CUL2: variants seen among roughly 807,000 people sequenced by gnomAD.
The protein encoded by CUL2 is cullin-2.
CUL2 carries 22 observed loss-of-function variants against 110.2 expected under a neutral mutation model. The observed-to-expected ratio is 0.20, with a 90% CI of 0.14 to 0.28. The LOEUF is 0.28. Ranked by LOEUF, CUL2 falls within the 10% of genes least tolerant of loss-of-function variation. CUL2 has a pLI of 1.00. For missense variants in CUL2, 631 were observed against 905.5 expected (o/e 0.70, Z 3.89); for synonymous variants, 279 against 293.2 (o/e 0.95, Z 0.49).
At chr10:35,095,541 A>C (rs999108574), upstream of CUL2, among the ~76,000 whole-genome samples, 16 of 151,952 alleles carry the variant, frequency 1.1e-4, no homozygotes, top group African/African-American at 3.9e-4. Flanking sequence ...TGAAAATGCA[A>C]ATAATTATTT....
At chr10:35,059,604 C>T (rs2086332108) in intron 4 of CUL2, among the ~76,000 whole-genome samples, 1 of 152,166 alleles carries the variant, frequency 6.6e-6, no homozygotes, top group Non-Finnish European at 1.5e-5. Flanking sequence ...TGTCTTACTG[C>T]AATATTCCCT....
At chr10:35,108,521 CAG>C (rs2048285676) in intron 1 of CUL2, among the ~76,000 whole-genome samples, 1 of 150,720 alleles carries the variant, frequency 6.6e-6, no homozygotes, top group Non-Finnish European at 1.5e-5. Context: ...GTGGGAAAGA[CAG>C]GGAGAAATGA....
intron 1 of CUL2, among the ~76,000 whole-genome samples, chr10:35,124,769 A>C (rs553565763): frequency 2.2e-4 from 33 of 152,364 alleles, no homozygotes; most frequent in African/African-American, 7.9e-4. Flanking sequence ...GATATGGGAA[A>C]GAAATGACAT....
intron 1 of CUL2, among the ~76,000 whole-genome samples, chr10:35,113,767 C>T (rs1353969089): frequency 6.6e-6 from 1 of 151,452 alleles, no homozygotes; most frequent in Non-Finnish European, 1.5e-5. Flanking sequence ...AATGCAGTGG[C>T]ACGATCTCAG....
chr10:35,085,741 GCTT>G (rs2087049360), intron 1 of CUL2, among the ~76,000 whole-genome samples: 4 of 149,092 alleles, frequency 2.7e-5, no homozygotes, highest in African/African-American at 9.8e-5. Context: ...ATGAAACATT[GCTT>G]TCAATCACAG....
At chr10:35,061,100 A>T in intron 3 of CUL2, 132 bp from the exon 4 acceptor site, 1 of 946,692 alleles carries the variant, frequency 1.1e-6, no homozygotes, top group Non-Finnish European at 1.5e-6. Flanking sequence ...TTTACACAAC[A>T]CATATTAACT....
chr10:35,126,358 C>T (rs2087823728), intron 1 of CUL2, among the ~76,000 whole-genome samples: 1 of 152,244 alleles, frequency 6.6e-6, no homozygotes, highest in South Asian at 2.1e-4. Context: ...AGGACTCAAC[C>T]AGCTGTGACT....
chr10:35,031,639 T>C lies in CUL2; in HGVS notation c.1171-20A>G, dbSNP rs779196067. ...AGCAAGCTCATGTAGAAATTGATAATAAATCTTACAAAGGGTGCTTCTGTA... is the reference window on the plus strand; with the variant it reads ...AGCAAGCTCATGTAGAAATTGATAACAAATCTTACAAAGGGTGCTTCTGTA... On this transcript the variant is annotated intron_variant, in intron 12 of 20. Transcript: ENST00000374749. The surrounding 1 kb of genome is among the most constrained non-coding windows in gnomAD (Gnocchi z 4.4). 1 of 1,613,452 alleles carries C rather than the reference T, an allele frequency of 6.2e-7. No homozygotes were observed. Among genetic ancestry groups the C allele is most frequent in the Non-Finnish European group, 8.5e-7 (1 of 1,179,832 alleles).
chr10:35,109,777 T>C (rs1490570187), intron 1 of CUL2, among the ~76,000 whole-genome samples: 1 of 152,240 alleles, frequency 6.6e-6, no homozygotes, highest in Non-Finnish European at 1.5e-5. Flanking sequence ...TTGTAGGACT[T>C]TATCAACTTT....
At chr10:35,066,882 C>G (rs2086542447) in intron 2 of CUL2, among the ~76,000 whole-genome samples, 2 of 151,942 alleles carry the variant, frequency 1.3e-5, no homozygotes, top group African/African-American at 4.8e-5. Context: ...TTACTAAGAC[C>G]TTCTTCTTCT....
chr10:35,085,232 T>C (rs2087032030), intron 1 of CUL2, among the ~76,000 whole-genome samples: 1 of 148,912 alleles, frequency 6.7e-6, no homozygotes, highest in South Asian at 2.1e-4. Context: ...ATTGAGACCA[T>C]CCTGGCTAAC....
chr10:35,103,359 C>G (rs931647708), intron 1 of CUL2, among the ~76,000 whole-genome samples: 4 of 127,986 alleles, frequency 3.1e-5, no homozygotes, highest in African/African-American at 1.1e-4. Context: ...GAGTTTCGCT[C>G]TGTCGCCCAG....
Position 35,031,650 on chromosome 10 carries a change from A to G in CUL2, c.1171-31T>C. Reference sequence around the variant, plus strand: ...GTAGAAATTGATAATAAATCTTACAAAGGGTGCTTCTGTATATATCACGCC... The same window carrying G: ...GTAGAAATTGATAATAAATCTTACAGAGGGTGCTTCTGTATATATCACGCC... On this transcript the variant is annotated intron_variant, in intron 12 of 20. Coordinates refer to ENST00000374749, the MANE Select transcript of CUL2 (RefSeq NM_003591.4). This position sits in a 1 kb window ranked among gnomAD's most constrained non-coding sequence, Gnocchi z 4.4. 6.2e-7 allele frequency: 1 copy of G among 1,612,672 alleles called. No homozygotes were observed. The highest frequency in any genetic ancestry group is 1.1e-5 in the South Asian group (1 of 91,020).
intron 8 of CUL2, among the ~76,000 whole-genome samples, chr10:35,044,051 C>CAAAAAAAAA (rs534515519): frequency 1.1e-5 from 1 of 87,792 alleles, no homozygotes. Flanking sequence ...ACCACATCTC[C>CAAAAAAAAA]AAAAAAAAAA....
At chr10:35,077,935 G>A (rs1056159605) in intron 1 of CUL2, among the ~76,000 whole-genome samples, 1 of 152,050 alleles carries the variant, frequency 6.6e-6, no homozygotes. Flanking sequence ...GTTGATAACT[G>A]TTAAGGATGA....
At chr10:35,098,944 A>C in intron 2 of CUL2, among the ~76,000 whole-genome samples, 1 of 152,148 alleles carries the variant, frequency 6.6e-6, no homozygotes, top group East Asian at 1.9e-4. Flanking sequence ...GAAATAAATA[A>C]ATTAAATAAG....
intron 4 of CUL2, among the ~76,000 whole-genome samples, chr10:35,055,779 C>G (rs1736105981): frequency 6.6e-6 from 1 of 152,154 alleles, no homozygotes; most frequent in African/African-American, 2.4e-5. Flanking sequence ...ATTCCTTCCT[C>G]TCTATCCTCA....
chr10:35,048,914 A>G (rs1400069579), intron 6 of CUL2, among the ~76,000 whole-genome samples: 1 of 152,122 alleles, frequency 6.6e-6, no homozygotes, highest in Non-Finnish European at 1.5e-5. Context: ...AGTATTCCTC[A>G]TATAAAAAAA....
chr10:35,124,671 G>T (rs1370390749), intron 1 of CUL2, among the ~76,000 whole-genome samples: 1 of 152,176 alleles, frequency 6.6e-6, no homozygotes, highest in African/African-American at 2.4e-5. Context: ...CAGTTTTCAA[G>T]AGGCACGATA....
Sources: allele counts gnomAD v4.1 joint callset (sites outside exome capture counted in the v4.1 genomes callset), GRCh38; gene constraint gnomAD v4.1.1; non-coding constraint Gnocchi (gnomAD v3.1); transcripts MANE v1.5; gene names NCBI Gene and HGNC (gene_info 2026-07-23, HGNC 2026-07-21).